Variants in MAML3 observed in about 807,000 individuals in gnomAD.
MAML3 encodes the protein mastermind-like protein 3.
A neutral mutation model predicts 101.9 loss-of-function variants in MAML3; 27 were observed. That is an observed-to-expected ratio of 0.27 (90% CI 0.20 to 0.37). The LOEUF (loss-of-function observed/expected upper bound fraction) is 0.37, where lower values mean the gene tolerates loss of function less well. Among genes scored for constraint, MAML3 ranks in the 10% least tolerant of loss-of-function variants. The pLI is 1.00. For synonymous variants in MAML3, 501 were observed against 555.9 expected, an observed-to-expected ratio of 0.90 and a Z score of 1.39; for missense variants, 1,316 against 1,444.9, an observed-to-expected ratio of 0.91 and a Z score of 1.45.
At chr4:139,831,841 A>G (rs1731168067) in intron 2 of MAML3, among the ~76,000 whole-genome samples, 2 of 150,348 alleles carry the variant, frequency 1.3e-5, no homozygotes, top group Non-Finnish European at 3.0e-5. Context: ...CACCCAGGCC[A>G]GAGTGCAGTG....
chr4:139,856,328 A>C (rs906412379), intron 2 of MAML3, among the ~76,000 whole-genome samples: 13 of 152,250 alleles, frequency 8.5e-5, no homozygotes, highest in Admixed American at 7.2e-4. Context: ...GTCGAATTCA[A>C]ATGGAGACAG....
chr4:139,767,148 A>AC, intron 2 of MAML3, among the ~76,000 whole-genome samples: 1 of 152,364 alleles, frequency 6.6e-6, no homozygotes, highest in East Asian at 1.9e-4. Flanking sequence ...CAGCGGGTAC[A>AC]GGTAATTAAT....
intron 2 of MAML3, among the ~76,000 whole-genome samples, chr4:139,814,025 A>AACACACACACACACAC (rs70943442): frequency 0.044 from 6,391 of 144,990 alleles, 233 homozygotes; most frequent in Admixed American, 0.1. Flanking sequence ...CACAAACACA[A>AACACACACACACACAC]ACACACACAC....
intron 1 of MAML3, among the ~76,000 whole-genome samples, chr4:139,941,391 CAG>C (rs890314546): frequency 3.9e-5 from 6 of 152,126 alleles, no homozygotes; most frequent in African/African-American, 1.4e-4. Flanking sequence ...CATCAACATG[CAG>C]AGACAGGTTA....
intron 1 of MAML3, among the ~76,000 whole-genome samples, chr4:140,080,970 A>G (rs1206239513): frequency 6.6e-6 from 1 of 152,236 alleles, no homozygotes; most frequent in Non-Finnish European, 1.5e-5. Context: ...ATATTTACAC[A>G]TCATTAAACA....
chr4:140,123,095 T>G (rs1008848693), intron 1 of MAML3, among the ~76,000 whole-genome samples: 1 of 142,502 alleles, frequency 7.0e-6, no homozygotes, highest in Admixed American at 6.7e-5. Context: ...CTCTGCGGTT[T>G]TTTTTTTTTT....
At chr4:140,001,745 T>G (rs1402505014) in intron 1 of MAML3, among the ~76,000 whole-genome samples, 1 of 152,248 alleles carries the variant, frequency 6.6e-6, no homozygotes, top group Non-Finnish European at 1.5e-5. Flanking sequence ...GAAATGTATC[T>G]GTACTTCACA....
chr4:140,024,507 C>T (rs543730669), intron 1 of MAML3, among the ~76,000 whole-genome samples: 195 of 152,170 alleles, frequency 1.3e-3, no homozygotes, highest in Non-Finnish European at 2.3e-3. Flanking sequence ...GGATTACAAG[C>T]GTGTGCTGGG....
intron 1 of MAML3, among the ~76,000 whole-genome samples, chr4:139,992,116 T>C (rs190838521): frequency 2.6e-5 from 4 of 152,186 alleles, no homozygotes; most frequent in Admixed American, 2.6e-4. Context: ...AATGTAGTTT[T>C]TTGTATCTGG....
chr4:140,062,915 AC>A (rs1727471080), intron 1 of MAML3, among the ~76,000 whole-genome samples: 1 of 152,226 alleles, frequency 6.6e-6, no homozygotes, highest in Admixed American at 6.5e-5. Flanking sequence ...GTCGATAAAC[AC>A]GTTTCTGTAG....
At chr4:140,056,644 T>C (rs981562233) in intron 1 of MAML3, among the ~76,000 whole-genome samples, 1 of 151,712 alleles carries the variant, frequency 6.6e-6, no homozygotes, top group Non-Finnish European at 1.5e-5. Flanking sequence ...CTGTCTCTAC[T>C]AAAAAATACC....
chr4:140,046,350 C>T (rs1727183118), intron 1 of MAML3, among the ~76,000 whole-genome samples: 2 of 152,176 alleles, frequency 1.3e-5, no homozygotes, highest in Non-Finnish European at 2.9e-5. Flanking sequence ...TCCCCACCAA[C>T]CCACAATAAA....
At chr4:140,134,253 G>A (rs1728845057) in intron 1 of MAML3, 1 of 456,590 alleles carries the variant, frequency 2.2e-6, no homozygotes, top group Admixed American at 2.3e-5. Flanking sequence ...CCCTAACTTT[G>A]ACTCGTATAA....
chr4:139,834,687 G>C (rs189506413), intron 2 of MAML3, among the ~76,000 whole-genome samples: 45 of 152,314 alleles, frequency 3.0e-4, no homozygotes, highest in Non-Finnish European at 6.2e-4. Flanking sequence ...TGTGGGGAAA[G>C]GTTGGAATAT....
chr4:139,836,028 A>G (rs1291418910), intron 2 of MAML3, among the ~76,000 whole-genome samples: 7 of 152,200 alleles, frequency 4.6e-5, no homozygotes, highest in East Asian at 1.9e-4. Context: ...TGTGCAGGAG[A>G]CAGCGGATGA....
At chr4:139,766,758 AG>A (rs1729869210) in intron 2 of MAML3, among the ~76,000 whole-genome samples, 1 of 152,212 alleles carries the variant, frequency 6.6e-6, no homozygotes, top group Admixed American at 6.5e-5. Context: ...AGTCAAGGGA[AG>A]GTAAAGGTTC....
intron 2 of MAML3, among the ~76,000 whole-genome samples, chr4:139,751,247 G>A (rs982145668): frequency 6.6e-6 from 1 of 152,082 alleles, no homozygotes; most frequent in Non-Finnish European, 1.5e-5. Context: ...AATATTACTT[G>A]GAGTAGTCTA....
chr4:140,126,506 C>A (rs370634534), intron 1 of MAML3, among the ~76,000 whole-genome samples: 2 of 152,338 alleles, frequency 1.3e-5, no homozygotes, highest in African/African-American at 4.8e-5. Context: ...TCCTCGCCAA[C>A]TGGACTGTTC....
intron 1 of MAML3, among the ~76,000 whole-genome samples, chr4:140,122,515 G>A (rs1332316673): frequency 2.0e-5 from 3 of 152,036 alleles, no homozygotes; most frequent in African/African-American, 7.2e-5. Context: ...ATTTTGGGCC[G>A]GGCGCGGTGG....
Sources: gnomAD v4.1 joint callset for allele counts (sites outside exome capture counted in the v4.1 genomes callset) on GRCh38, gnomAD v4.1.1 for gene constraint, MANE v1.5 for transcripts, NCBI Gene and HGNC (gene_info 2026-07-23, HGNC 2026-07-21) for gene names.